SH3BGRL2: variants seen among roughly 807,000 people sequenced by gnomAD.
SH3BGRL2 encodes SH3 domain binding glutamate rich protein like 2.
A neutral mutation model predicts 14.8 loss-of-function variants in SH3BGRL2; 21 were observed. The observed-to-expected ratio is 1.42, with a 90% CI of 1.01 to 2.05. SH3BGRL2 has a LOEUF of 2.05. SH3BGRL2 is among the 30% of genes most tolerant of loss of function. The pLI is 0.00. For synonymous variants in SH3BGRL2, 50 were observed against 47.8 expected (o/e 1.05, Z -0.19); for missense variants, 147 against 130.8 (o/e 1.12, Z -0.61).
intron 1 of SH3BGRL2, among the ~76,000 whole-genome samples, chr6:79,658,389 G>A (rs535474125): frequency 3.3e-5 from 5 of 152,232 alleles, no homozygotes; most frequent in African/African-American, 9.6e-5. Context: ...GAGAACATGC[G>A]TTGTTTGGTT....
intron 2 of SH3BGRL2, among the ~76,000 whole-genome samples, chr6:79,693,109 C>G (rs1236086033): frequency 6.6e-6 from 1 of 151,954 alleles, no homozygotes; most frequent in Non-Finnish European, 1.5e-5. Context: ...ACTTTATTCT[C>G]TTTGAAGCAA....
chr6:79,682,779 C>T (rs776060585), intron 2 of SH3BGRL2, among the ~76,000 whole-genome samples: 9 of 152,170 alleles, frequency 5.9e-5, no homozygotes, highest in African/African-American at 9.6e-5. Flanking sequence ...TGGCACTATT[C>T]GCAATAGCAA....
chr6:79,577,984 G>A, the SH3BGRL2 span, among the ~76,000 whole-genome samples: 6 of 152,218 alleles, frequency 3.9e-5, no homozygotes, highest in Admixed American at 2.0e-4. Flanking sequence ...TGCCTGGACC[G>A]GTGGGTCCCA....
At chr6:79,591,596 C>T in the SH3BGRL2 span, among the ~76,000 whole-genome samples, 3 of 152,038 alleles carry the variant, frequency 2.0e-5, no homozygotes, top group South Asian at 2.1e-4. Context: ...TTCGTAGAGA[C>T]GGGGTTTCAC....
intron 1 of SH3BGRL2, among the ~76,000 whole-genome samples, chr6:79,640,145 G>A (rs531670766): frequency 5.9e-5 from 9 of 152,236 alleles, no homozygotes; most frequent in South Asian, 4.2e-4. Flanking sequence ...GAGTAGGGCA[G>A]GAGGGGAGGA....
At chr6:79,652,726 G>A (rs1769320751) in intron 1 of SH3BGRL2, among the ~76,000 whole-genome samples, 1 of 151,908 alleles carries the variant, frequency 6.6e-6, no homozygotes, top group Admixed American at 6.6e-5. Flanking sequence ...GGATATTTTG[G>A]GTTGGGGGTG....
chr6:79,549,506 A>G, the SH3BGRL2 span, among the ~76,000 whole-genome samples: 1 of 152,140 alleles, frequency 6.6e-6, no homozygotes, highest in Non-Finnish European at 1.5e-5. Context: ...CTATGTTTAG[A>G]TATGTTTAGA....
At chr6:79,635,960 G>C (rs776671798) in intron 1 of SH3BGRL2, among the ~76,000 whole-genome samples, 1 of 152,168 alleles carries the variant, frequency 6.6e-6, no homozygotes, top group Non-Finnish European at 1.5e-5. Context: ...CCTCAGAAAA[G>C]ATTTCTACAT....
intron 2 of SH3BGRL2, among the ~76,000 whole-genome samples, chr6:79,695,104 C>G (rs1770304864): frequency 6.6e-6 from 1 of 152,144 alleles, no homozygotes; most frequent in South Asian, 2.1e-4. Flanking sequence ...AGTGCTGCTC[C>G]CTGCCCAAGA....
intron 1 of SH3BGRL2, among the ~76,000 whole-genome samples, chr6:79,651,590 C>A (rs932416796): frequency 3.3e-5 from 4 of 121,530 alleles, no homozygotes; most frequent in African/African-American, 1.1e-4. Context: ...GAGCCACTTG[C>A]ATTACATCAA....
intron 1 of SH3BGRL2, among the ~76,000 whole-genome samples, chr6:79,640,287 G>T (rs1349520092): frequency 6.6e-6 from 1 of 152,180 alleles, no homozygotes; most frequent in African/African-American, 2.4e-5. Flanking sequence ...TTTCACAGTG[G>T]ACTGTGGTAA....
At chr6:79,657,413 T>C (rs1196655321) in intron 1 of SH3BGRL2, among the ~76,000 whole-genome samples, 1 of 152,038 alleles carries the variant, frequency 6.6e-6, no homozygotes, top group Non-Finnish European at 1.5e-5. Flanking sequence ...GAAAAGGAGA[T>C]GACTTTGTGG....
the SH3BGRL2 span, chr6:79,552,771 G>A: frequency 3.3e-5 from 5 of 152,156 alleles, no homozygotes; most frequent in Non-Finnish European, 4.4e-5. Flanking sequence ...AAAAGCATTG[G>A]TTTAGGAGAA....
chr6:79,561,636 G>C, the SH3BGRL2 span: 5 of 152,258 alleles, frequency 3.3e-5, no homozygotes, highest in South Asian at 1.0e-3. Context: ...TCTTCTCAGA[G>C]CTGTTTCATG....
chr6:79,688,931 C>G (rs1416330737), intron 2 of SH3BGRL2, among the ~76,000 whole-genome samples: 1 of 151,404 alleles, frequency 6.6e-6, no homozygotes, highest in Non-Finnish European at 1.5e-5. Flanking sequence ...TCAGGCCACT[C>G]AAAAGCTTTT....
the SH3BGRL2 span, among the ~76,000 whole-genome samples, chr6:79,605,272 G>T: frequency 6.6e-6 from 1 of 152,180 alleles, no homozygotes; most frequent in Non-Finnish European, 1.5e-5. Flanking sequence ...AGCCCAGCCT[G>T]CAGCCCATCT....
At chr6:79,606,874 A>G in the SH3BGRL2 span, among the ~76,000 whole-genome samples, 1 of 152,082 alleles carries the variant, frequency 6.6e-6, no homozygotes, top group Non-Finnish European at 1.5e-5. Flanking sequence ...ATTATTTTCA[A>G]AATTAAACTT....
chr6:79,651,466 C>T (rs928349724), intron 1 of SH3BGRL2, among the ~76,000 whole-genome samples: 1 of 152,034 alleles, frequency 6.6e-6, no homozygotes, highest in Non-Finnish European at 1.5e-5. Context: ...ATCTTTCATT[C>T]CATGGTTCTG....
chr6:79,648,765 A>G (rs539475098), intron 1 of SH3BGRL2, among the ~76,000 whole-genome samples: 1 of 152,312 alleles, frequency 6.6e-6, no homozygotes, highest in East Asian at 1.9e-4. Context: ...AATAAAGCTA[A>G]TCAAGAGTTT....
Sources: allele counts gnomAD v4.1 joint callset (sites outside exome capture counted in the v4.1 genomes callset), GRCh38; gene constraint gnomAD v4.1.1; transcripts MANE v1.5; gene names NCBI Gene and HGNC (gene_info 2026-07-23, HGNC 2026-07-21).